The following TASP1 variants were observed in gnomAD, a reference collection of about 807,000 sequenced individuals.
TASP1 encodes the protein threonine aspartase 1.
TASP1 carries 16 observed loss-of-function variants against 56.6 expected under a neutral mutation model. The observed-to-expected ratio is 0.28, with a 90% CI of 0.19 to 0.43. The LOEUF (loss-of-function observed/expected upper bound fraction) is 0.43, where lower values mean the gene tolerates loss of function less well. Ranked by LOEUF, TASP1 falls within the 20% of genes least tolerant of loss-of-function variation. TASP1 has a pLI of 1.00. For synonymous variants in TASP1, 179 were observed against 184.2 expected (o/e 0.97, Z 0.23); for missense variants, 393 against 511.6 (o/e 0.77, Z 2.24).
chr20:13,174,526 C>T, the TASP1 span, among the ~76,000 whole-genome samples: 2 of 151,896 alleles, frequency 1.3e-5, no homozygotes, highest in African/African-American at 2.4e-5. Flanking sequence ...GGTAAAACCC[C>T]ATATCTACAA....
chr20:13,445,741 C>G (rs1243237679), intron 11 of TASP1, among the ~76,000 whole-genome samples: 1 of 152,152 alleles, frequency 6.6e-6, no homozygotes, highest in Non-Finnish European at 1.5e-5. Flanking sequence ...CTCCCTGTTT[C>G]CAGCTGCTAG....
chr20:13,606,315 A>G (rs2048151130), intron 4 of TASP1, among the ~76,000 whole-genome samples: 1 of 152,142 alleles, frequency 6.6e-6, no homozygotes, highest in Non-Finnish European at 1.5e-5. Context: ...CATTTCATTC[A>G]TGTCTCTGTT....
chr20:13,575,514 T>A (rs1041774305), intron 6 of TASP1, among the ~76,000 whole-genome samples: 1 of 152,210 alleles, frequency 6.6e-6, no homozygotes, highest in Non-Finnish European at 1.5e-5. Flanking sequence ...TAAGAGGGAC[T>A]TTTGCTCCTC....
At chr20:13,342,342 A>T in the TASP1 span, among the ~76,000 whole-genome samples, 3 of 152,292 alleles carry the variant, frequency 2.0e-5, no homozygotes, top group African/African-American at 7.2e-5. Context: ...TTCATGGAGG[A>T]GAACGACTCA....
intron 6 of TASP1, among the ~76,000 whole-genome samples, chr20:13,573,387 C>A (rs1476506457): frequency 1.3e-5 from 2 of 152,136 alleles, no homozygotes; most frequent in Non-Finnish European, 2.9e-5. Flanking sequence ...ACTGAATCCC[C>A]CAGCTCCTTG....
At chr20:13,583,754 T>A (rs1422995442) in intron 5 of TASP1, among the ~76,000 whole-genome samples, 1 of 152,184 alleles carries the variant, frequency 6.6e-6, no homozygotes, top group Non-Finnish European at 1.5e-5. Context: ...ATAGGCCTCA[T>A]AAGGGTATCG....
At chr20:13,242,949 C>T in the TASP1 span, among the ~76,000 whole-genome samples, 3 of 152,092 alleles carry the variant, frequency 2.0e-5, no homozygotes, top group Admixed American at 6.5e-5. Flanking sequence ...CTTATTTAAC[C>T]GTCAAAACAA....
chr20:13,377,344 C>T, the TASP1 span, among the ~76,000 whole-genome samples: 14 of 152,076 alleles, frequency 9.2e-5, no homozygotes, highest in African/African-American at 3.1e-4. Flanking sequence ...GTGGTTTTTG[C>T]CATTGGTTCT....
chr20:13,239,010 C>CT, the TASP1 span: 1 of 152,202 alleles, frequency 6.6e-6, no homozygotes, highest in Non-Finnish European at 1.5e-5. Flanking sequence ...GAGCTCCTTA[C>CT]TGAGAGTGTG....
chr20:13,465,997 C>T (rs1433751391), intron 11 of TASP1, among the ~76,000 whole-genome samples: 1 of 152,078 alleles, frequency 6.6e-6, no homozygotes. Flanking sequence ...CATGCACACA[C>T]ACAAACTACA....
intron 11 of TASP1, among the ~76,000 whole-genome samples, chr20:13,460,218 C>T (rs1433339557): frequency 3.9e-5 from 6 of 152,156 alleles, no homozygotes; most frequent in South Asian, 4.1e-4. Context: ...TACTGCTCAT[C>T]GGAAGAGTCT....
the TASP1 span, among the ~76,000 whole-genome samples, chr20:13,281,323 G>C: frequency 6.6e-6 from 1 of 152,100 alleles, no homozygotes; most frequent in South Asian, 2.1e-4. Context: ...ACTCTAGAAG[G>C]GATGTCTCTT....
the TASP1 span, among the ~76,000 whole-genome samples, chr20:13,240,739 G>A: frequency 1.3e-5 from 2 of 152,152 alleles, no homozygotes; most frequent in African/African-American, 4.8e-5. Context: ...TCAGGTAAGA[G>A]GTGATGGGAT....
At chr20:13,288,495 A>C in the TASP1 span, 1 of 1,595,430 alleles carries the variant, frequency 6.3e-7, no homozygotes, top group Non-Finnish European at 8.6e-7. Context: ...AGATTGGGAG[A>C]CTCTTTGGCC....
the TASP1 span, among the ~76,000 whole-genome samples, chr20:13,364,753 G>A: frequency 5.3e-5 from 8 of 152,152 alleles, no homozygotes; most frequent in East Asian, 1.9e-4. Flanking sequence ...TTTGCTGTTC[G>A]TTAGATTGCT....
At chr20:13,288,746 A>C in the TASP1 span, 1 of 1,497,794 alleles carries the variant, frequency 6.7e-7, no homozygotes, top group Non-Finnish European at 9.1e-7. Context: ...TATCATTAAA[A>C]ACTTAGTGAC....
intron 10 of TASP1, among the ~76,000 whole-genome samples, chr20:13,483,657 G>C (rs2043220763): frequency 6.6e-6 from 1 of 152,150 alleles, no homozygotes; most frequent in East Asian, 1.9e-4. Flanking sequence ...ATGTGTAATT[G>C]TTAAACCACA....
At chr20:13,269,730 T>G in the TASP1 span, among the ~76,000 whole-genome samples, 1 of 152,220 alleles carries the variant, frequency 6.6e-6, no homozygotes, top group Non-Finnish European at 1.5e-5. Flanking sequence ...CCAGCCACTC[T>G]CCATCATCTT....
the TASP1 span, among the ~76,000 whole-genome samples, chr20:13,143,429 G>T: frequency 6.6e-6 from 1 of 152,204 alleles, no homozygotes; most frequent in Non-Finnish European, 1.5e-5. Context: ...ATAACAGTAT[G>T]CAGTGGGCAT....
Sources: gnomAD v4.1 joint callset for allele counts (sites outside exome capture counted in the v4.1 genomes callset) on GRCh38, gnomAD v4.1.1 for gene constraint, MANE v1.5 for transcripts, NCBI Gene and HGNC (gene_info 2026-07-23, HGNC 2026-07-21) for gene names.